The following PTPRK variants were observed in gnomAD, a reference collection of about 807,000 sequenced individuals.
The protein encoded by PTPRK is protein tyrosine phosphatase receptor type K, also known as receptor-type tyrosine-protein phosphatase kappa.
A neutral mutation model predicts 178.0 loss-of-function variants in PTPRK; 75 were observed. The observed-to-expected ratio is 0.42, with a 90% CI of 0.35 to 0.51. The LOEUF is 0.51. Ranked by LOEUF, PTPRK falls within the 20% of genes least tolerant of loss-of-function variation. PTPRK has a pLI of 0.02. For missense variants in PTPRK, 1,441 were observed against 1,797.8 expected (o/e 0.80, Z 3.59); for synonymous variants, 637 against 620.6 (o/e 1.03, Z -0.39).
At chr6:128,228,998 A>G (rs889807900) in intron 5 of PTPRK, among the ~76,000 whole-genome samples, 1 of 152,182 alleles carries the variant, frequency 6.6e-6, no homozygotes, top group African/African-American at 2.4e-5. Context: ...CAAGGGCACA[A>G]AAAACTATTA....
At chr6:128,041,172 A>G (rs1361351366) in intron 13 of PTPRK, among the ~76,000 whole-genome samples, 3 of 152,146 alleles carry the variant, frequency 2.0e-5, no homozygotes, top group South Asian at 2.1e-4. Flanking sequence ...TCACACAAAA[A>G]TTGATTTTCT....
intron 13 of PTPRK, among the ~76,000 whole-genome samples, chr6:128,057,446 T>C (rs1311545973): frequency 6.6e-6 from 1 of 152,178 alleles, no homozygotes; most frequent in African/African-American, 2.4e-5. Flanking sequence ...AAAGTCTAGT[T>C]TCCTTCTGGG....
At chr6:128,328,116 T>C (rs983135978) in intron 2 of PTPRK, among the ~76,000 whole-genome samples, 2 of 152,166 alleles carry the variant, frequency 1.3e-5, no homozygotes, top group Non-Finnish European at 2.9e-5. Flanking sequence ...TACCACCAAC[T>C]AAAAACAAAC....
chr6:128,353,717 C>A (rs1349166440), intron 2 of PTPRK, among the ~76,000 whole-genome samples: 2 of 152,048 alleles, frequency 1.3e-5, no homozygotes, highest in African/African-American at 2.4e-5. Context: ...TCTGAAGGAA[C>A]AAGGGGAGGG....
At chr6:127,990,961 T>G in intron 20 of PTPRK, 76 bp from the exon 21 acceptor site, 1 of 838,196 alleles carries the variant, frequency 1.2e-6, no homozygotes, top group Non-Finnish European at 1.9e-6. Context: ...ATTCCAGCAA[T>G]AACTCCTTGT....
At chr6:128,225,041 T>C (rs1021076333) in intron 5 of PTPRK, among the ~76,000 whole-genome samples, 2 of 152,196 alleles carry the variant, frequency 1.3e-5, no homozygotes, top group East Asian at 1.9e-4. Context: ...AAATATGGTA[T>C]AATTAAAATA....
intron 1 of PTPRK, among the ~76,000 whole-genome samples, chr6:128,404,905 T>G (rs1841476095): frequency 6.6e-6 from 1 of 152,140 alleles, no homozygotes. Flanking sequence ...ATTAAGTGTC[T>G]CCTAAAAGTG....
intron 7 of PTPRK, among the ~76,000 whole-genome samples, chr6:128,096,658 C>A (rs1008695594): frequency 2.0e-5 from 3 of 152,132 alleles, no homozygotes; most frequent in Non-Finnish European, 4.4e-5. Context: ...CAAAGATGTA[C>A]ACAAACTAAG....
intron 3 of PTPRK, among the ~76,000 whole-genome samples, chr6:128,276,499 A>G (rs1312439555): frequency 6.6e-6 from 1 of 152,188 alleles, no homozygotes; most frequent in Non-Finnish European, 1.5e-5. Context: ...TAAAGCCATC[A>G]ATTAGAGCCA....
intron 13 of PTPRK, among the ~76,000 whole-genome samples, chr6:128,060,393 C>T (rs145312054): frequency 1.3e-5 from 2 of 152,238 alleles, no homozygotes; most frequent in African/African-American, 4.8e-5. Context: ...ATCCTTAAGA[C>T]ACTTGATAGA....
intron 1 of PTPRK, among the ~76,000 whole-genome samples, chr6:128,447,994 C>T (rs1297205243): frequency 5.3e-5 from 8 of 152,034 alleles, no homozygotes; most frequent in Admixed American, 1.3e-4. Context: ...ATATTGGGGC[C>T]AAATAAACAT....
chr6:128,332,545 C>A (rs538166706), intron 2 of PTPRK, among the ~76,000 whole-genome samples: 1 of 152,174 alleles, frequency 6.6e-6, no homozygotes, highest in Admixed American at 6.5e-5. Context: ...TTCCTTTAGA[C>A]GTACTCATTC....
intron 1 of PTPRK, among the ~76,000 whole-genome samples, chr6:128,464,981 T>C (rs866689534): frequency 1.3e-5 from 2 of 151,474 alleles, no homozygotes; most frequent in African/African-American, 4.8e-5. Context: ...GAAAAAAGGT[T>C]TGGGATTTTG....
At chr6:128,371,129 C>T (rs931311350) in intron 2 of PTPRK, among the ~76,000 whole-genome samples, 6 of 152,174 alleles carry the variant, frequency 3.9e-5, no homozygotes, top group African/African-American at 1.4e-4. Context: ...CGCTCTTCCA[C>T]TCTCACCACC....
At chr6:128,214,017 C>G (rs1049232942) in intron 6 of PTPRK, among the ~76,000 whole-genome samples, 4 of 152,072 alleles carry the variant, frequency 2.6e-5, no homozygotes. Flanking sequence ...ATGCCAGGGT[C>G]AGTCCCACTC....
At chr6:128,218,859 CA>C in intron 6 of PTPRK, 62 bp downstream of exon 6, 1 of 1,364,686 alleles carries the variant, frequency 7.3e-7, no homozygotes, top group Non-Finnish European at 1.0e-6. Flanking sequence ...AAAATATCTA[CA>C]GAGTTGCTTT....
intron 1 of PTPRK, among the ~76,000 whole-genome samples, chr6:128,412,252 T>C (rs1320470976): frequency 2.6e-5 from 4 of 152,228 alleles, no homozygotes; most frequent in Non-Finnish European, 5.9e-5. Flanking sequence ...AGCCAGGCAA[T>C]GTTCTAAGCA....
At chr6:128,335,991 T>C (rs1830870255) in intron 2 of PTPRK, among the ~76,000 whole-genome samples, 1 of 152,086 alleles carries the variant, frequency 6.6e-6, no homozygotes, top group Non-Finnish European at 1.5e-5. Flanking sequence ...CCAAAACACA[T>C]CTGGTCAATT....
chr6:128,050,828 A>T (rs1240703399), intron 13 of PTPRK, among the ~76,000 whole-genome samples: 1 of 152,232 alleles, frequency 6.6e-6, no homozygotes, highest in African/African-American at 2.4e-5. Flanking sequence ...GGCACGAGTC[A>T]TGGCATACAG....
Sources: gnomAD v4.1 joint callset for allele counts (sites outside exome capture counted in the v4.1 genomes callset) on GRCh38, gnomAD v4.1.1 for gene constraint, MANE v1.5 for transcripts, NCBI Gene and HGNC (gene_info 2026-07-23, HGNC 2026-07-21) for gene names.